Variants in LRRC7 observed in about 807,000 individuals in gnomAD.
LRRC7 encodes the protein leucine rich repeat containing 7.
Under a neutral mutation model 175.7 loss-of-function variants are expected in LRRC7, and 23 were observed. The observed-to-expected ratio is 0.13, with a 90% CI of 0.09 to 0.19. The LOEUF (loss-of-function observed/expected upper bound fraction) is 0.19, where lower values mean the gene tolerates loss of function less well. LRRC7 is among the 10% of genes least tolerant of loss of function. The pLI is 1.00. For synonymous variants in LRRC7, 685 were observed against 680.9 expected, an observed-to-expected ratio of 1.01 and a Z score of -0.09; for missense variants, 1,354 against 1,904.7, an observed-to-expected ratio of 0.71 and a Z score of 5.38.
At chr1:70,100,474 G>A (rs1664730807) in intron 25 of LRRC7, among the ~76,000 whole-genome samples, 2 of 151,986 alleles carry the variant, frequency 1.3e-5, no homozygotes, top group Admixed American at 1.3e-4. Flanking sequence ...AGAGATTTGT[G>A]ATCCCATAGT....
intron 1 of LRRC7, among the ~76,000 whole-genome samples, chr1:69,587,599 C>A (rs563830084): frequency 6.6e-6 from 1 of 152,158 alleles, no homozygotes; most frequent in Non-Finnish European, 1.5e-5. Flanking sequence ...GACCACATCT[C>A]GTCTCAAATT....
intron 1 of LRRC7, among the ~76,000 whole-genome samples, chr1:69,655,708 C>T (rs887032245): frequency 7.2e-5 from 11 of 152,012 alleles, no homozygotes; most frequent in African/African-American, 2.4e-4. Flanking sequence ...TCTTCCAAAA[C>T]ATGCCTGAAT....
intron 17 of LRRC7, among the ~76,000 whole-genome samples, chr1:70,027,694 A>C (rs757257641): frequency 6.6e-5 from 10 of 151,872 alleles, no homozygotes; most frequent in Non-Finnish European, 4.4e-5. Flanking sequence ...GATATTGTCA[A>C]CTCCCCAGTT....
rs1671765238 is a variant in LRRC7 at position 69,767,606 on chromosome 1, GC to G, written c.303+7215del. The stretch of plus-strand genomic sequence containing the variant: ...TGAGTATCTGGAACTACAGGTGTGT[GC>G]CACGATGCCCAGATAATTTTTTATA... On this transcript the variant is annotated intron_variant, in intron 3 of 26. Transcript: ENST00000651989. Among the ~76,000 whole-genome samples, 6 of 152,146 alleles carry G rather than the reference GC, an allele frequency of 3.9e-5. 1 individual carries two copies. The South Asian group carries it at 1.2e-3, about 32-fold the overall frequency.
rs1009818351 is a variant in LRRC7, at chr1:70,129,222, G to T, written c.*7335G>T. On this transcript the variant is annotated 3_prime_UTR_variant, in exon 27 of 27. Transcript: ENST00000651989. ...AGATGGCGCCACAGCTCTCCAGCCT[G>T]GGTGACAGAGTGAGACTCCATCTTA... is the stretch of plus-strand genomic sequence containing the variant. Among the ~76,000 whole-genome samples, 19 of 151,304 alleles carry T rather than the reference G, an allele frequency of 1.3e-4. No homozygotes were observed. Among genetic ancestry groups the T allele is most frequent in the African/African-American group, 4.1e-4 (17 of 41,084 alleles).
chr1:69,588,073 C>T (rs1646475781), intron 1 of LRRC7, among the ~76,000 whole-genome samples: 1 of 152,132 alleles, frequency 6.6e-6, no homozygotes, highest in Non-Finnish European at 1.5e-5. Flanking sequence ...CTATTCATTC[C>T]TTAGGTTGTA....
At chr1:69,686,597 TACACTC>T (rs2100638326) in intron 2 of LRRC7, among the ~76,000 whole-genome samples, 1 of 152,088 alleles carries the variant, frequency 6.6e-6, no homozygotes, top group East Asian at 1.9e-4. Flanking sequence ...TACAAAATAA[TACACTC>T]AAAAACATTA....
chr1:70,103,462 T>TTCC (rs1664938534), intron 25 of LRRC7, among the ~76,000 whole-genome samples: 1 of 152,080 alleles, frequency 6.6e-6, no homozygotes, highest in African/African-American at 2.4e-5. Flanking sequence ...TCACCATTGG[T>TTCC]AGCTTTGAAG....
intron 3 of LRRC7, among the ~76,000 whole-genome samples, chr1:69,783,703 G>T (rs1418854963): frequency 7.6e-6 from 1 of 131,674 alleles, no homozygotes; most frequent in Non-Finnish European, 1.5e-5. Flanking sequence ...AGTGAGCCGA[G>T]ATCACGCCAC....
intron 25 of LRRC7, among the ~76,000 whole-genome samples, chr1:70,102,629 T>G (rs1664876837): frequency 6.6e-6 from 1 of 152,152 alleles, no homozygotes; most frequent in Non-Finnish European, 1.5e-5. Flanking sequence ...CCTTCCAAAG[T>G]GCTGGGACTA....
intron 7 of LRRC7, among the ~76,000 whole-genome samples, chr1:69,843,096 G>A (rs1025720894): frequency 6.6e-5 from 10 of 152,034 alleles, no homozygotes; most frequent in African/African-American, 2.4e-4. Context: ...CTACTCAGGA[G>A]GCTGAGGCAA....
intron 8 of LRRC7, among the ~76,000 whole-genome samples, chr1:69,957,518 T>C (rs1557930151): frequency 6.6e-6 from 1 of 151,928 alleles, no homozygotes; most frequent in Non-Finnish European, 1.5e-5. Flanking sequence ...TGTTATTTTC[T>C]GTTCAGGTAA....
rs868739722 is a variant in LRRC7 at position 69,781,802 on chromosome 1, G to A, written c.304-10241G>A. ...GAAAGAAAGAAAGGAAGGAAGGAAG[G>A]AAGGAAGGAAGGAAGGAAGGAAGGA... On this transcript the variant is annotated intron_variant, in intron 3 of 26. Transcript: ENST00000651989. 4.7e-3 allele frequency among the ~76,000 whole-genome samples: 328 copies of A among 69,412 alleles called. 7 individuals are homozygous for A. Among genetic ancestry groups the A allele is most frequent in the Non-Finnish European group, 6.7e-3 (243 of 36,362 alleles). 45.5% of individuals were successfully genotyped at this position (69,412 alleles called of 152,430 possible). A position where few individuals can be genotyped will look rare whatever the true frequency, so the allele number is the denominator to read the frequency against.
At chr1:69,573,101 C>T (rs137971244) in intron 1 of LRRC7, among the ~76,000 whole-genome samples, 1 of 152,202 alleles carries the variant, frequency 6.6e-6, no homozygotes, top group African/African-American at 2.4e-5. Context: ...AAACTCCTAC[C>T]ATGAGTCATG....
At chr1:69,577,745 G>A (rs1646013731) in intron 1 of LRRC7, among the ~76,000 whole-genome samples, 1 of 152,010 alleles carries the variant, frequency 6.6e-6, no homozygotes, top group South Asian at 2.1e-4. Flanking sequence ...CTATATCTCT[G>A]TTTTGGTACC....
intron 7 of LRRC7, among the ~76,000 whole-genome samples, chr1:69,856,829 A>G (rs1163528923): frequency 6.6e-6 from 1 of 152,206 alleles, no homozygotes; most frequent in Non-Finnish European, 1.5e-5. Flanking sequence ...ATTGTAGACC[A>G]ATATCCCTGA....
chr1:69,940,082 C>T (rs1347419146), intron 8 of LRRC7, among the ~76,000 whole-genome samples: 1 of 152,110 alleles, frequency 6.6e-6, no homozygotes, highest in African/African-American at 2.4e-5. Flanking sequence ...GTCCCACTAA[C>T]TCTGAAGTTT....
intron 3 of LRRC7, among the ~76,000 whole-genome samples, chr1:69,777,506 G>T (rs923559970): frequency 2.0e-5 from 3 of 152,140 alleles, no homozygotes; most frequent in African/African-American, 7.2e-5. Flanking sequence ...AAGCTACGAT[G>T]CCAGCTCAGC....
chr1:69,654,260 G>T (rs1444795238), intron 1 of LRRC7, among the ~76,000 whole-genome samples: 1 of 151,742 alleles, frequency 6.6e-6, no homozygotes, highest in Non-Finnish European at 1.5e-5. Context: ...TCAAAAAAGG[G>T]GAAACTTAAA....
Sources: allele counts gnomAD v4.1 joint callset (sites outside exome capture counted in the v4.1 genomes callset), GRCh38; gene constraint gnomAD v4.1.1; transcripts MANE v1.5; gene names NCBI Gene and HGNC (gene_info 2026-07-23, HGNC 2026-07-21).